The following MYLK4 variants were observed in gnomAD, a reference collection of about 807,000 sequenced individuals.
The protein encoded by MYLK4 is myosin light chain kinase family member 4.
MYLK4 carries 46 observed loss-of-function variants against 48.1 expected under a neutral mutation model. The ratio of observed to expected loss-of-function variants is 0.96; its 90% CI spans 0.75 to 1.22. MYLK4 has a LOEUF of 1.22. Ranked by LOEUF, MYLK4 falls within the 50% of genes most tolerant of loss-of-function variation. MYLK4 has a pLI of 0.00. For synonymous variants in MYLK4, 170 were observed against 180.8 expected, an observed-to-expected ratio of 0.94 and a Z score of 0.48; for missense variants, 451 against 486.1, an observed-to-expected ratio of 0.93 and a Z score of 0.68.
chr6:2,729,726 C>A (rs1763410458), intron 2 of MYLK4, among the ~76,000 whole-genome samples: 1 of 152,128 alleles, frequency 6.6e-6, no homozygotes, highest in South Asian at 2.1e-4. Flanking sequence ...CTCAAGGAGG[C>A]ATTTTTCAGC....
At chr6:2,687,470 G>A (rs185905450) in intron 4 of MYLK4, among the ~76,000 whole-genome samples, 79 of 152,278 alleles carry the variant, frequency 5.2e-4, no homozygotes, top group African/African-American at 1.8e-3. Flanking sequence ...GACAAACCTT[G>A]ACCAGAAAAA....
chr6:2,759,766 G>A, the MYLK4 span, among the ~76,000 whole-genome samples: 2 of 152,054 alleles, frequency 1.3e-5, no homozygotes, highest in Non-Finnish European at 2.9e-5. Context: ...GCTGGTTTGA[G>A]GGCAAAAACA....
At chr6:2,695,070 C>T (rs1213773604) in intron 2 of MYLK4, among the ~76,000 whole-genome samples, 2 of 152,118 alleles carry the variant, frequency 1.3e-5, no homozygotes, top group Non-Finnish European at 1.5e-5. Flanking sequence ...CGAAAGATTA[C>T]AATTAACATG....
chr6:2,677,788 G>A (rs9501874), intron 10 of MYLK4, among the ~76,000 whole-genome samples: 51,652 of 152,026 alleles, frequency 0.34, 9,809 homozygotes, highest in Non-Finnish European at 0.43. Context: ...GGGGTCAGGG[G>A]TGGTAGTTAA....
At chr6:2,692,963 G>A (rs1409591095) in intron 2 of MYLK4, 104 bp from the exon 3 acceptor site, 3 of 1,047,974 alleles carry the variant, frequency 2.9e-6, no homozygotes, top group Admixed American at 2.1e-5. Context: ...GGTGGGGAAT[G>A]TCACGAGCAT....
chr6:2,700,608 G>A (rs1463910771), intron 2 of MYLK4, among the ~76,000 whole-genome samples: 3 of 152,086 alleles, frequency 2.0e-5, no homozygotes, highest in Non-Finnish European at 4.4e-5. Context: ...CCTCCACCCA[G>A]GGATACGTGT....
At chr6:2,687,952 CG>C (rs551525176) in intron 4 of MYLK4, among the ~76,000 whole-genome samples, 26 of 152,294 alleles carry the variant, frequency 1.7e-4, no homozygotes, top group South Asian at 1.5e-3. Context: ...CAAGATATCA[CG>C]GGGGGTTGTG....
Position 2,664,345 on chromosome 6 carries a change from A to T in MYLK4, c.*3580T>A, listed in dbSNP as rs1415537616. On this transcript the variant is annotated 3_prime_UTR_variant, in exon 13 of 13. Transcript: ENST00000274643. Reference sequence around the variant, plus strand: ...AGCACACAGGGATGACAGGACGGCCAGGGGACAGGAAAGAACCGAGTCCGA... The same window carrying T: ...AGCACACAGGGATGACAGGACGGCCTGGGGACAGGAAAGAACCGAGTCCGA... 6.6e-6 allele frequency: 1 copy of T among 152,242 alleles called. No individual in the cohort carries two copies. Among genetic ancestry groups the T allele is most frequent in the Non-Finnish European group, 1.5e-5 (1 of 68,038 alleles). The allele number at this position is 152,242 out of a possible 1,614,324, so 9.4% of individuals were successfully genotyped here. A position where few individuals can be genotyped will look rare whatever the true frequency, so the allele number is the denominator to read the frequency against.
At chr6:2,730,038 TCA>T (rs1218064780) in intron 2 of MYLK4, among the ~76,000 whole-genome samples, 1 of 152,240 alleles carries the variant, frequency 6.6e-6, no homozygotes. Flanking sequence ...AGATAAAATG[TCA>T]GTGGTTCGAC....
At position 2,681,884 on chromosome 6, in the gene MYLK4, C is replaced by G. The variant is rs555964915; in HGVS notation, c.687+1137G>C. 1.2e-4 allele frequency among the ~76,000 whole-genome samples: 19 copies of G among 152,344 alleles called. No homozygotes were observed. In the East Asian group the frequency reaches 3.7e-3, roughly 29 times the overall value. On this transcript the variant is annotated intron_variant, in intron 7 of 12. Coordinates refer to ENST00000274643, the MANE Select transcript of MYLK4 (RefSeq NM_001012418.5). ...CTAGTTCCAGTTGCCAATCAAATCC[C>G]TGTAGGGATATCTGCAGAATATCTA...
chr6:2,679,560 G>T, intron 8 of MYLK4, 152 bp from the exon 9 acceptor site: 1 of 1,027,522 alleles, frequency 9.7e-7, no homozygotes, highest in Non-Finnish European at 1.5e-6. Flanking sequence ...CAAGCAAGAG[G>T]CTCAAAAACT....
intron 1 of MYLK4, among the ~76,000 whole-genome samples, chr6:2,750,429 C>T (rs947344585): frequency 1.3e-5 from 2 of 152,182 alleles, no homozygotes; most frequent in Admixed American, 1.3e-4. Flanking sequence ...TATTACAGAT[C>T]ATTCTTAGCA....
At chr6:2,757,246 C>G in the MYLK4 span, among the ~76,000 whole-genome samples, 1 of 151,618 alleles carries the variant, frequency 6.6e-6, no homozygotes, top group South Asian at 2.1e-4. Context: ...TCTACATGTC[C>G]AAAAGTATTG....
At chr6:2,696,929 G>A (rs540670635) in intron 2 of MYLK4, among the ~76,000 whole-genome samples, 29 of 152,120 alleles carry the variant, frequency 1.9e-4, no homozygotes, top group Non-Finnish European at 3.2e-4. Context: ...GCCTGGTGGT[G>A]CACACCTGTA....
At chr6:2,697,356 G>A (rs1373372800) in intron 2 of MYLK4, among the ~76,000 whole-genome samples, 1 of 152,222 alleles carries the variant, frequency 6.6e-6, no homozygotes, top group African/African-American at 2.4e-5. Context: ...GCTTTTAAGA[G>A]TTCAGTATTC....
chr6:2,717,186 CT>C (rs1410389800), intron 2 of MYLK4, among the ~76,000 whole-genome samples: 35 of 152,344 alleles, frequency 2.3e-4, no homozygotes, highest in African/African-American at 8.2e-4. Flanking sequence ...GAAAGAGCAG[CT>C]TTGTTCGTTT....
At chr6:2,770,331 C>A in the MYLK4 span, 4 of 1,614,172 alleles carry the variant, frequency 2.5e-6, no homozygotes, top group South Asian at 3.3e-5. Context: ...CCCACTGACC[C>A]TCTGAGCCAC....
chr6:2,736,661 C>T (rs887814432), intron 2 of MYLK4, among the ~76,000 whole-genome samples: 1 of 152,224 alleles, frequency 6.6e-6, no homozygotes, highest in Non-Finnish European at 1.5e-5. Flanking sequence ...TTCTTCCTGA[C>T]ATCCCCAGCT....
Position 2,683,058 on chromosome 6 carries a change from T to C in MYLK4, c.650A>G (p.His217Arg). 1 of 1,614,182 alleles carries C rather than the reference T, an allele frequency of 6.2e-7. No homozygotes were observed. The highest frequency in any genetic ancestry group is 8.5e-7 in the Non-Finnish European group (1 of 1,180,042). The change falls in exon 7 of 13, where the codon CAC becomes CGC. Residue 217 changes from histidine (H) to arginine (R), a missense_variant. Physicochemically the swap from His to Arg is conservative, Grantham distance 29. Coordinates refer to ENST00000274643, the MANE Select transcript of MYLK4 (RefSeq NM_001012418.5). Reference sequence around the variant, plus strand: ...GTGGAGAATGTACATCTGATGCATGTGCCTTATCCCCTCACATATCTGCTT... The same window carrying C: ...GTGGAGAATGTACATCTGATGCATGCGCCTTATCCCCTCACATATCTGCTT... Reference protein sequence around the residue: ...FMKQICEGIRHMHQMYILHLD... With the variant: ...FMKQICEGIRRMHQMYILHLD...
Sources: gnomAD v4.1 joint callset for allele counts (sites outside exome capture counted in the v4.1 genomes callset) on GRCh38, gnomAD v4.1.1 for gene constraint, MANE v1.5 for transcripts, NCBI Gene and HGNC (gene_info 2026-07-23, HGNC 2026-07-21) for gene names.